Variants in UGGT2 observed in about 807,000 individuals in gnomAD.
UGGT2 encodes the protein UDP-glucose:glycoprotein glucosyltransferase 2.
Under a neutral mutation model 192.1 loss-of-function variants are expected in UGGT2, and 180 were observed. That is an observed-to-expected ratio of 0.94 (90% CI 0.83 to 1.06). The LOEUF is 1.06. Among genes scored for constraint, UGGT2 ranks in the 50% least tolerant of loss-of-function variants. UGGT2 has a pLI of 0.00. For synonymous variants in UGGT2, 580 were observed against 591.0 expected, an observed-to-expected ratio of 0.98 and a Z score of 0.27; for missense variants, 1,849 against 1,795.7, an observed-to-expected ratio of 1.03 and a Z score of -0.54.
chr13:95,842,065 C>G (rs1887922367), intron 36 of UGGT2, among the ~76,000 whole-genome samples: 1 of 152,136 alleles, frequency 6.6e-6, no homozygotes, highest in Non-Finnish European at 1.5e-5. Flanking sequence ...ATGCCAGTAC[C>G]ACTACTGGGC....
intron 22 of UGGT2, among the ~76,000 whole-genome samples, 158 bp from the exon 23 acceptor site, chr13:95,895,462 G>A (rs922961708): frequency 1.3e-5 from 2 of 151,896 alleles, no homozygotes; most frequent in South Asian, 4.2e-4. Context: ...AAATACGCTA[G>A]GAAACAAGAT....
Position 95,902,892 on chromosome 13 carries a change from T to A in UGGT2, c.2464A>T (p.Ile822Phe). Residue 822 changes from isoleucine to phenylalanine, a missense_variant, in exon 21 of 39, where the codon ATT becomes TTT. By Grantham distance (21) the Ile-to-Phe change is conservative. Coordinates refer to ENST00000376747, the MANE Select transcript of UGGT2 (RefSeq NM_020121.4). ...QLAKEEIATA[I>F]YSGDKIKTFL... Reference sequence around the variant, plus strand: ...GTTTTAATTTTATCTCCAGAGTAAATAGCTGTAGCAATTTCTTCCTTTGCC... The same window carrying A: ...GTTTTAATTTTATCTCCAGAGTAAAAAGCTGTAGCAATTTCTTCCTTTGCC... 2 of 1,613,478 alleles carry A rather than the reference T, an allele frequency of 1.2e-6. No individual in the cohort carries two copies. The highest frequency in any genetic ancestry group is 1.7e-6 in the Non-Finnish European group (2 of 1,179,614).
At chr13:96,029,332 A>C (rs769225158) in intron 2 of UGGT2, among the ~76,000 whole-genome samples, 26 of 152,036 alleles carry the variant, frequency 1.7e-4, no homozygotes, top group Non-Finnish European at 3.2e-4. Flanking sequence ...TGTTGCCCAG[A>C]CTGCAGTCCA....
At chr13:96,046,818 T>C (rs1311071379) in intron 1 of UGGT2, among the ~76,000 whole-genome samples, 1 of 152,214 alleles carries the variant, frequency 6.6e-6, no homozygotes, top group Non-Finnish European at 1.5e-5. Context: ...ACCAGGAGAT[T>C]ATATCCTGCG....
At chr13:95,989,882 AAT>A (rs1421483758) in intron 8 of UGGT2, 89 bp downstream of exon 8, 1 of 803,620 alleles carries the variant, frequency 1.2e-6, no homozygotes, top group Non-Finnish European at 1.9e-6. Context: ...CTGTCCATAA[AAT>A]AATCTATATC....
intron 2 of UGGT2, among the ~76,000 whole-genome samples, chr13:96,024,014 C>G (rs192117905): frequency 1.3e-5 from 2 of 152,076 alleles, no homozygotes; most frequent in Non-Finnish European, 2.9e-5. Flanking sequence ...TTGGAAACAC[C>G]AACATTTCAG....
At chr13:95,802,657 A>G (rs1465614649) in intron 38 of UGGT2, among the ~76,000 whole-genome samples, 1 of 152,176 alleles carries the variant, frequency 6.6e-6, no homozygotes, top group Non-Finnish European at 1.5e-5. Context: ...AGGAGGCTGG[A>G]CGAGGCTATA....
In UGGT2 at chr13:96,045,007, C is replaced by T. The variant is rs984680313; in HGVS notation, c.158+8148G>A. On this transcript the variant is annotated intron_variant, in intron 1 of 38. Coordinates refer to ENST00000376747, the MANE Select transcript of UGGT2 (RefSeq NM_020121.4). ...AATCATTCTATGAAGCCAGTATCAT[C>T]CGAATACCAAAACCAGGAAAAAAAC... is the stretch of plus-strand genomic sequence containing the variant. 8.5e-5 allele frequency among the ~76,000 whole-genome samples: 13 copies of T among 152,146 alleles called. No individual in the cohort carries two copies. The East Asian group carries it at 2.5e-3, about 29-fold the overall frequency.
At chr13:95,859,219 T>C (rs1188099602) in intron 33 of UGGT2, among the ~76,000 whole-genome samples, 1 of 152,108 alleles carries the variant, frequency 6.6e-6, no homozygotes, top group East Asian at 1.9e-4. Flanking sequence ...ACGGTATAGG[T>C]ATAGTCTTTG....
chr13:95,814,157 C>G (rs142750366), intron 38 of UGGT2, among the ~76,000 whole-genome samples: 2 of 152,326 alleles, frequency 1.3e-5, no homozygotes, highest in Admixed American at 1.3e-4. Context: ...AGAGTCCCCA[C>G]TGGGGTACTG....
intron 1 of UGGT2, among the ~76,000 whole-genome samples, chr13:96,038,290 C>T (rs1368364397): frequency 6.6e-6 from 1 of 152,126 alleles, no homozygotes; most frequent in African/African-American, 2.4e-5. Context: ...CTCTGAAGCT[C>T]ACCTTTTAAC....
rs565665043 is a variant in UGGT2 at position 95,895,317 on chromosome 13, A to C, written c.2635-13T>G. The C allele has an allele frequency of 4.1e-5, 56 of 1,358,720 alleles. No individual in the cohort carries two copies. Among genetic ancestry groups the C allele is most frequent in the Non-Finnish European group, 5.3e-5 (53 of 992,452 alleles). The allele number at this position is 1,358,720 out of a possible 1,614,324, so 84.2% of individuals were successfully genotyped here. A position where few individuals can be genotyped will look rare whatever the true frequency, so the allele number is the denominator to read the frequency against. On this transcript the variant is annotated splice_polypyrimidine_tract_variant and intron_variant, in intron 22 of 38. Transcript: ENST00000376747. ...AAGGTCCTAAGAACTTAAAATAAAA[A>C]CAGTTATATTATCATATATCTTCTA...
At chr13:95,911,188 A>C (rs1283112306) in intron 20 of UGGT2, among the ~76,000 whole-genome samples, 1 of 152,226 alleles carries the variant, frequency 6.6e-6, no homozygotes, top group Non-Finnish European at 1.5e-5. Context: ...CTAGAGAAGC[A>C]AGAGCAAACA....
chr13:95,843,378 T>C (rs1291784702), intron 36 of UGGT2, among the ~76,000 whole-genome samples: 1 of 152,228 alleles, frequency 6.6e-6, no homozygotes, highest in Non-Finnish European at 1.5e-5. Flanking sequence ...ATGTTTAGCA[T>C]CTTTTCATGG....
At chr13:95,856,372 G>A (rs757777903) in intron 33 of UGGT2, 32 bp from the exon 34 acceptor site, 2 of 1,573,248 alleles carry the variant, frequency 1.3e-6, no homozygotes, top group East Asian at 2.3e-5. Flanking sequence ...CAAACAATAT[G>A]TTCAAGAGAA....
At chr13:95,823,575 C>G (rs1402945928) in intron 38 of UGGT2, among the ~76,000 whole-genome samples, 1 of 152,038 alleles carries the variant, frequency 6.6e-6, no homozygotes, top group Non-Finnish European at 1.5e-5. Context: ...ATAAGAATAG[C>G]TACGCCTGCT....
At chr13:95,934,176 G>C (rs2049383655) in intron 17 of UGGT2, among the ~76,000 whole-genome samples, 1 of 152,214 alleles carries the variant, frequency 6.6e-6, no homozygotes, top group South Asian at 2.1e-4. Flanking sequence ...GTAGTTTTGA[G>C]AGATGTTCTG....
chr13:95,946,982 T>G lies in UGGT2; in HGVS notation c.1677+55A>C, dbSNP rs1053650316. On this transcript the variant is annotated intron_variant, in intron 15 of 38. Transcript: ENST00000376747. ...TATACATTCTAAAGAAATCATAATATAGTAATGCAAGAATTTTACCTTCTA... is the reference window on the plus strand; with the variant it reads ...TATACATTCTAAAGAAATCATAATAGAGTAATGCAAGAATTTTACCTTCTA... 4.1e-6 allele frequency: 6 copies of G among 1,454,978 alleles called. No individual in the cohort carries two copies. In the African/African-American group the frequency reaches 7.1e-5, roughly 17 times the overall value. 90.1% of individuals were successfully genotyped at this position (1,454,978 alleles called of 1,614,324 possible). A position where few individuals can be genotyped will look rare whatever the true frequency, so the allele number is the denominator to read the frequency against.
At chr13:95,916,816 T>C (rs1002083506) in intron 20 of UGGT2, among the ~76,000 whole-genome samples, 1 of 151,604 alleles carries the variant, frequency 6.6e-6, no homozygotes, top group Non-Finnish European at 1.5e-5. Flanking sequence ...ACTTGAAAAC[T>C]ATCTTGCTGA....
Sources: gnomAD v4.1 joint callset for allele counts (sites outside exome capture counted in the v4.1 genomes callset) on GRCh38, gnomAD v4.1.1 for gene constraint, MANE v1.5 for transcripts, NCBI Gene and HGNC (gene_info 2026-07-23, HGNC 2026-07-21) for gene names.